STX8: variants seen among roughly 807,000 people sequenced by gnomAD.
STX8 encodes the protein syntaxin-8.
STX8 carries 23 observed loss-of-function variants against 37.5 expected under a neutral mutation model. The observed-to-expected ratio is 0.61, with a 90% CI of 0.44 to 0.87. The LOEUF (loss-of-function observed/expected upper bound fraction) is 0.87, where lower values mean the gene tolerates loss of function less well. STX8 is among the 40% of genes least tolerant of loss of function. STX8 has a pLI of 0.00. For synonymous variants in STX8, 115 were observed against 99.1 expected, an observed-to-expected ratio of 1.16 and a Z score of -0.95; for missense variants, 313 against 284.7, an observed-to-expected ratio of 1.10 and a Z score of -0.71.
At chr17:9,340,649 A>ATTTTTTTTTTTTT (rs66679333) in intron 7 of STX8, among the ~76,000 whole-genome samples, 2 of 62,100 alleles carry the variant, frequency 3.2e-5, no homozygotes, top group African/African-American at 6.9e-5. Context: ...GTTGCACTTG[A>ATTTTTTTTTTTTT]TTTTTTTTTT....
intron 4 of STX8, among the ~76,000 whole-genome samples, chr17:9,518,439 A>G (rs1345311048): frequency 6.6e-6 from 1 of 152,000 alleles, no homozygotes; most frequent in African/African-American, 2.4e-5. Flanking sequence ...CTCCTTCTCT[A>G]TAATTTGCAG....
chr17:9,454,637 G>T (rs892441966), intron 6 of STX8, among the ~76,000 whole-genome samples: 1 of 146,908 alleles, frequency 6.8e-6, no homozygotes, highest in African/African-American at 2.6e-5. Flanking sequence ...CCAAGATCGC[G>T]CCACTGCACT....
At chr17:9,434,337 T>C (rs1904348908) in intron 6 of STX8, among the ~76,000 whole-genome samples, 1 of 152,238 alleles carries the variant, frequency 6.6e-6, no homozygotes, top group South Asian at 2.1e-4. Context: ...TATTTCATCC[T>C]CAATGTGACA....
At chr17:9,369,679 T>A (rs192322517) in intron 7 of STX8, among the ~76,000 whole-genome samples, 1 of 145,504 alleles carries the variant, frequency 6.9e-6, no homozygotes, top group Non-Finnish European at 1.5e-5. Context: ...ATCGCTTGAG[T>A]CCAGGAGTTT....
intron 7 of STX8, among the ~76,000 whole-genome samples, chr17:9,341,823 C>G (rs1370302747): frequency 3.9e-5 from 6 of 152,130 alleles, no homozygotes; most frequent in African/African-American, 1.4e-4. Flanking sequence ...TGCTGAGAAG[C>G]AGAAATGGAC....
In STX8 at chr17:9,477,301, T is replaced by A. The variant is rs552532421; in HGVS notation, c.541+14528A>T. 2.0e-5 allele frequency among the ~76,000 whole-genome samples: 3 copies of A among 152,074 alleles called. No individual in the cohort carries two copies. The East Asian group carries it at 5.8e-4, about 29-fold the overall frequency. On this transcript the variant is annotated intron_variant, in intron 6 of 7. Transcript: ENST00000306357. ...TAGTAGGGGGTTAGTACTTCAACAT[T>A]TGAATTTGGGGGGTGACATATAATT...
chr17:9,360,503 TG>T (rs954541754), intron 7 of STX8, among the ~76,000 whole-genome samples: 3 of 152,042 alleles, frequency 2.0e-5, no homozygotes, highest in Non-Finnish European at 4.4e-5. Context: ...CCCAAAGTGC[TG>T]GGATTACAGT....
chr17:9,493,858 T>G (rs1028448293), intron 5 of STX8, among the ~76,000 whole-genome samples: 4 of 152,166 alleles, frequency 2.6e-5, no homozygotes, highest in Non-Finnish European at 2.9e-5. Flanking sequence ...TAGTGAAAAA[T>G]TAGAAAGTAC....
chr17:9,411,671 T>C (rs1414793198), intron 6 of STX8, among the ~76,000 whole-genome samples: 2 of 152,204 alleles, frequency 1.3e-5, no homozygotes, highest in African/African-American at 2.4e-5. Flanking sequence ...CTAGGTTCCA[T>C]TTCTGTCAGG....
At chr17:9,420,011 T>C (rs1913364927) in intron 6 of STX8, among the ~76,000 whole-genome samples, 1 of 152,230 alleles carries the variant, frequency 6.6e-6, no homozygotes, top group Non-Finnish European at 1.5e-5. Flanking sequence ...AGAATCAATC[T>C]GCTGAACCCA....
At chr17:9,397,168 C>T (rs1195599118) in intron 6 of STX8, among the ~76,000 whole-genome samples, 1 of 152,178 alleles carries the variant, frequency 6.6e-6, no homozygotes, top group Non-Finnish European at 1.5e-5. Context: ...GAGGCCGAGG[C>T]AGGCAGATCA....
intron 5 of STX8, among the ~76,000 whole-genome samples, chr17:9,494,371 G>A (rs901476243): frequency 2.7e-5 from 4 of 149,946 alleles, no homozygotes; most frequent in African/African-American, 7.3e-5. Flanking sequence ...GCTCACGCCT[G>A]TAATCCCAGC....
intron 6 of STX8, among the ~76,000 whole-genome samples, chr17:9,458,592 A>T (rs1293696263): frequency 6.6e-6 from 1 of 152,242 alleles, no homozygotes; most frequent in Non-Finnish European, 1.5e-5. Context: ...CTTGCTAGAA[A>T]ATATACGAGA....
intron 4 of STX8, among the ~76,000 whole-genome samples, chr17:9,519,647 A>G (rs73975704): frequency 0.024 from 3,666 of 152,160 alleles, 133 homozygotes; most frequent in African/African-American, 0.082. Context: ...CTGACTCCCC[A>G]GAAGCTACAA....
intron 6 of STX8, among the ~76,000 whole-genome samples, chr17:9,444,222 C>G (rs753629056): frequency 2.0e-5 from 3 of 152,142 alleles, no homozygotes; most frequent in African/African-American, 4.8e-5. Context: ...ACTCCTGCCT[C>G]GAGCGGTCCT....
At chr17:9,421,556 T>C (rs1174806133) in intron 6 of STX8, among the ~76,000 whole-genome samples, 1 of 151,916 alleles carries the variant, frequency 6.6e-6, no homozygotes, top group Non-Finnish European at 1.5e-5. Flanking sequence ...TCCTTTCCCC[T>C]GCTCCTGGGA....
chr17:9,474,035 T>C (rs1051241791), intron 6 of STX8, among the ~76,000 whole-genome samples: 1 of 152,122 alleles, frequency 6.6e-6, no homozygotes, highest in Non-Finnish European at 1.5e-5. Flanking sequence ...GCTGATGATG[T>C]CATCGATCGT....
chr17:9,323,874 G>C (rs535157008), intron 7 of STX8, among the ~76,000 whole-genome samples: 1 of 152,112 alleles, frequency 6.6e-6, no homozygotes, highest in African/African-American at 2.4e-5. Flanking sequence ...GAAAGGGAAC[G>C]AGAAGAATGG....
chr17:9,338,062 T>TTC (rs1296477219), intron 7 of STX8, among the ~76,000 whole-genome samples: 1 of 148,040 alleles, frequency 6.8e-6, no homozygotes, highest in Non-Finnish European at 1.5e-5. Context: ...TTTTTTTTTT[T>TTC]TTTTTTTTGA....
Sources: gnomAD v4.1 joint callset for allele counts (sites outside exome capture counted in the v4.1 genomes callset) on GRCh38, gnomAD v4.1.1 for gene constraint, MANE v1.5 for transcripts, NCBI Gene and HGNC (gene_info 2026-07-23, HGNC 2026-07-21) for gene names.